GABRG3: variants seen among roughly 807,000 people sequenced by gnomAD.
GABRG3 encodes the protein gamma-aminobutyric acid receptor subunit gamma-3.
GABRG3 carries 25 observed loss-of-function variants against 48.8 expected under a neutral mutation model. The observed-to-expected ratio is 0.51, with a 90% confidence interval of 0.37 to 0.72. The LOEUF is 0.72. Among genes scored for constraint, GABRG3 ranks in the 30% least tolerant of loss-of-function variants. The pLI, the probability that GABRG3 is intolerant of heterozygous loss-of-function variation, is 0.00. For synonymous variants in GABRG3, 227 were observed against 217.6 expected (o/e 1.04, Z -0.38); for missense variants, 394 against 577.9 (o/e 0.68, Z 3.26).
intron 3 of GABRG3, among the ~76,000 whole-genome samples, chr15:27,193,285 T>G (rs1888388383): frequency 6.6e-6 from 1 of 152,264 alleles, no homozygotes; most frequent in Admixed American, 6.5e-5. Flanking sequence ...CAGAGGTTAC[T>G]GCTGTCTTTT....
chr15:27,533,148 CT>C lies in GABRG3; in HGVS notation c.*268del. 2.6e-6 allele frequency: 1 copy of C among 382,834 alleles called. No homozygotes were observed. The highest frequency in any genetic ancestry group is 4.7e-6 in the Non-Finnish European group (1 of 211,570). The allele number at this position is 382,834 out of a possible 1,614,324, so 23.7% of individuals were successfully genotyped here. ...ACTGAATTGTAGCTTGGTGTTGTTT[CT>C]GAATGGTTTTTGGATATTGGAAGCA... On this transcript the variant is annotated 3_prime_UTR_variant, in exon 10 of 10. Coordinates refer to ENST00000615808, the MANE Select transcript of GABRG3 (RefSeq NM_033223.5).
intron 3 of GABRG3, among the ~76,000 whole-genome samples, chr15:27,302,138 A>T (rs1464960891): frequency 6.6e-6 from 1 of 152,150 alleles, no homozygotes; most frequent in African/African-American, 2.4e-5. Flanking sequence ...ATTAGAAAAT[A>T]GGATATTCTT....
intron 3 of GABRG3, among the ~76,000 whole-genome samples, chr15:27,278,941 G>A (rs1891344474): frequency 6.6e-6 from 1 of 152,136 alleles, no homozygotes; most frequent in Non-Finnish European, 1.5e-5. Context: ...CAGTAGCAAT[G>A]CAGGAGAAAT....
intron 3 of GABRG3, among the ~76,000 whole-genome samples, chr15:27,111,136 T>C (rs1463377706): frequency 6.6e-6 from 1 of 152,234 alleles, no homozygotes; most frequent in African/African-American, 2.4e-5. Flanking sequence ...TATTTACTTA[T>C]GTTAATGTTC....
intron 5 of GABRG3, among the ~76,000 whole-genome samples, chr15:27,407,425 A>G (rs895976810): frequency 2.0e-5 from 3 of 151,830 alleles, no homozygotes; most frequent in Non-Finnish European, 2.9e-5. Context: ...AACTAAACAT[A>G]CTCTTACCAT....
At chr15:27,002,200 A>G (rs1895461825) in intron 2 of GABRG3, among the ~76,000 whole-genome samples, 1 of 152,164 alleles carries the variant, frequency 6.6e-6, no homozygotes, top group Non-Finnish European at 1.5e-5. Flanking sequence ...CTGTAATACA[A>G]TTTGCTGAAG....
intron 3 of GABRG3, among the ~76,000 whole-genome samples, chr15:27,047,441 C>T (rs755429034): frequency 9.2e-5 from 14 of 152,168 alleles, no homozygotes; most frequent in Non-Finnish European, 1.8e-4. Flanking sequence ...GGAGCCCTGA[C>T]GTCATATCAT....
intron 3 of GABRG3, among the ~76,000 whole-genome samples, chr15:27,176,415 T>G (rs1223421243): frequency 6.6e-6 from 1 of 152,228 alleles, no homozygotes; most frequent in Non-Finnish European, 1.5e-5. Context: ...AATAGCTTAG[T>G]GTTGTTCTAG....
chr15:27,129,765 T>C (rs1897884617), intron 3 of GABRG3, among the ~76,000 whole-genome samples: 1 of 152,062 alleles, frequency 6.6e-6, no homozygotes, highest in African/African-American at 2.4e-5. Context: ...TGGTGTCTCA[T>C]TGTAGTTTTG....
intron 3 of GABRG3, among the ~76,000 whole-genome samples, chr15:27,042,936 G>A (rs1162090549): frequency 6.6e-6 from 1 of 152,248 alleles, no homozygotes; most frequent in Non-Finnish European, 1.5e-5. Flanking sequence ...CTGTCTTGAG[G>A]CTTGCATGTT....
At chr15:27,189,337 A>G (rs1454894027) in intron 3 of GABRG3, among the ~76,000 whole-genome samples, 1 of 151,958 alleles carries the variant, frequency 6.6e-6, no homozygotes. Context: ...CATTTTCACG[A>G]TATTGATTCT....
chr15:27,116,710 C>T (rs1423223013), intron 3 of GABRG3, among the ~76,000 whole-genome samples: 1 of 152,176 alleles, frequency 6.6e-6, no homozygotes, highest in Non-Finnish European at 1.5e-5. Flanking sequence ...GTGATTGGGT[C>T]ATGAGGACTC....
chr15:27,182,538 T>C (rs145488332), intron 3 of GABRG3, among the ~76,000 whole-genome samples: 4 of 152,184 alleles, frequency 2.6e-5, no homozygotes, highest in Non-Finnish European at 5.9e-5. Context: ...GACTTTAGAA[T>C]TGGACACCCC....
chr15:27,297,553 A>G (rs1262167321), intron 3 of GABRG3, among the ~76,000 whole-genome samples: 1 of 151,200 alleles, frequency 6.6e-6, no homozygotes, highest in Non-Finnish European at 1.5e-5. Flanking sequence ...GGACAGGAAC[A>G]TGCAATGCAA....
At chr15:26,982,886 G>A (rs540858329) in intron 2 of GABRG3, among the ~76,000 whole-genome samples, 11 of 152,266 alleles carry the variant, frequency 7.2e-5, no homozygotes, top group African/African-American at 2.6e-4. Context: ...GGTCCCTGGG[G>A]CAGCAGAGGG....
At chr15:27,050,514 G>C (rs1313939691) in intron 3 of GABRG3, among the ~76,000 whole-genome samples, 1 of 152,056 alleles carries the variant, frequency 6.6e-6, no homozygotes, top group African/African-American at 2.4e-5. Flanking sequence ...AGCATCTCAG[G>C]GGATCTTAGG....
rs1888848290 is a variant in GABRG3, at chr15:27,206,251, A to G, written c.271-120558A>G. Among the ~76,000 whole-genome samples, 3 of 152,070 alleles carry G rather than the reference A, an allele frequency of 2.0e-5. No individual in the cohort carries two copies. In the South Asian group the frequency reaches 6.2e-4, roughly 32 times the overall value. On this transcript the variant is annotated intron_variant, in intron 3 of 9. Transcript: ENST00000615808. ...GTGTCCCAGAGATCTGGCATGTTGT[A>G]TTTTTGTTTTCATTAGTTTCAAAGA... is the stretch of plus-strand genomic sequence containing the variant.
At chr15:27,414,093 G>C (rs774002874) in intron 5 of GABRG3, among the ~76,000 whole-genome samples, 14 of 152,140 alleles carry the variant, frequency 9.2e-5, no homozygotes, top group South Asian at 6.2e-4. Flanking sequence ...TCAAACACTA[G>C]GTAACCTCTA....
At chr15:27,013,481 A>G (rs969735859) in intron 2 of GABRG3, among the ~76,000 whole-genome samples, 3 of 152,190 alleles carry the variant, frequency 2.0e-5, no homozygotes, top group East Asian at 1.9e-4. Context: ...ATGTTTTCTC[A>G]TAGACATTTT....
Sources: allele counts gnomAD v4.1 joint callset (sites outside exome capture counted in the v4.1 genomes callset), GRCh38; gene constraint gnomAD v4.1.1; transcripts MANE v1.5; gene names NCBI Gene and HGNC (gene_info 2026-07-23, HGNC 2026-07-21).